BMP6: variants seen among roughly 807,000 people sequenced by gnomAD.
The protein encoded by BMP6 is VG-1-R.
A neutral mutation model predicts 54.1 loss-of-function variants in BMP6; 17 were observed. That is an observed-to-expected ratio of 0.31 (90% CI 0.22 to 0.47). The LOEUF (loss-of-function observed/expected upper bound fraction) is 0.47. BMP6 is among the 20% of genes least tolerant of loss of function. The pLI, the probability that BMP6 is intolerant of heterozygous loss-of-function variation, is 1.00. For missense variants in BMP6, 720 were observed against 690.4 expected, an observed-to-expected ratio of 1.04 and a Z score of -0.48; for synonymous variants, 328 against 291.2, an observed-to-expected ratio of 1.13 and a Z score of -1.28.
intron 2 of BMP6, among the ~76,000 whole-genome samples, chr6:7,859,922 T>C (rs1759308441): frequency 6.6e-6 from 1 of 152,204 alleles, no homozygotes; most frequent in African/African-American, 2.4e-5. Context: ...GGAGAAACTG[T>C]TCGCTCCTCC....
intron 1 of BMP6, among the ~76,000 whole-genome samples, chr6:7,788,233 G>T (rs1213685916): frequency 3.3e-5 from 5 of 152,180 alleles, no homozygotes; most frequent in African/African-American, 1.2e-4. Flanking sequence ...TTGGCCAAAG[G>T]CTTGGTAGTA....
chr6:7,868,522 G>C (rs1759466124), intron 4 of BMP6, among the ~76,000 whole-genome samples: 1 of 152,262 alleles, frequency 6.6e-6, no homozygotes, highest in African/African-American at 2.4e-5. Context: ...GATATGGAAA[G>C]AGCGGCCAGG....
Position 7,727,348 on chromosome 6 carries a change from C to A in BMP6, c.393C>A (p.Ser131=), listed in dbSNP as rs767201995. Residue 131 remains serine (S), a synonymous_variant, in exon 1 of 7, where the codon TCC becomes TCA. Coordinates refer to ENST00000283147, the MANE Select transcript of BMP6 (RefSeq NM_001718.6). The stretch of plus-strand genomic sequence containing the variant: ...AGCCCCCTCCCGGGCGACTGAAGTC[C>A]GCGCCCCTCTTCATGCTGGATCTGT... ...RGEPPPGRLK[S]APLFMLDLYN... is the part of the protein sequence containing the mutation. The A allele has an allele frequency of 1.2e-6, 2 of 1,609,980 alleles. No individual in the cohort carries two copies. The highest frequency in any genetic ancestry group is 2.7e-5 in the African/African-American group (2 of 74,810).
rs114901363 is a variant in BMP6 at position 7,775,760 on chromosome 6, T to A, written c.664+48141T>A. ...GCGTCTGGGGTCAGGTTAGTTCTTC[T>A]TGATTGTTGGAGATAAATTTGCTGA... On this transcript the variant is annotated intron_variant, in intron 1 of 6. Coordinates refer to ENST00000283147, the MANE Select transcript of BMP6 (RefSeq NM_001718.6). 6.1e-3 allele frequency among the ~76,000 whole-genome samples: 936 copies of A among 152,326 alleles called. 7 individuals are homozygous for A. The highest frequency in any genetic ancestry group is 0.022 in the African/African-American group (905 of 41,578).
chr6:7,833,127 C>T (rs538431475), intron 1 of BMP6, among the ~76,000 whole-genome samples: 5 of 152,132 alleles, frequency 3.3e-5, no homozygotes, highest in African/African-American at 1.2e-4. Context: ...GTGGGACCCA[C>T]TGGGTTTGAG....
At chr6:7,871,227 T>C (rs886174603) in intron 4 of BMP6, among the ~76,000 whole-genome samples, 1 of 152,248 alleles carries the variant, frequency 6.6e-6, no homozygotes, top group African/African-American at 2.4e-5. Flanking sequence ...ATATCTGTAA[T>C]GTTCATTTGG....
chr6:7,842,824 C>CTTAT (rs1303439156), intron 1 of BMP6, among the ~76,000 whole-genome samples: 2 of 152,166 alleles, frequency 1.3e-5, no homozygotes, highest in Non-Finnish European at 2.9e-5. Flanking sequence ...TGTCTTATGT[C>CTTAT]TTATTTCTTA....
chr6:7,791,149 A>G (rs1758100682), intron 1 of BMP6, among the ~76,000 whole-genome samples: 1 of 152,180 alleles, frequency 6.6e-6, no homozygotes, highest in Non-Finnish European at 1.5e-5. Context: ...TGGAGGGGGC[A>G]TGGTCACTTG....
intron 1 of BMP6, among the ~76,000 whole-genome samples, chr6:7,767,460 A>C (rs1261897535): frequency 1.3e-5 from 2 of 152,158 alleles, no homozygotes; most frequent in Non-Finnish European, 2.9e-5. Context: ...AGCACCTGAG[A>C]TGCTTCGTAA....
chr6:7,774,830 T>C (rs909225434), intron 1 of BMP6, among the ~76,000 whole-genome samples: 7 of 152,206 alleles, frequency 4.6e-5, no homozygotes, highest in African/African-American at 1.7e-4. Context: ...TTGGCAATTA[T>C]AAAGAAAAGA....
chr6:7,758,733 C>T (rs1339289808), intron 1 of BMP6, among the ~76,000 whole-genome samples: 1 of 152,220 alleles, frequency 6.6e-6, no homozygotes, highest in African/African-American at 2.4e-5. Flanking sequence ...TCCGGCTGTG[C>T]CTCGCAATTC....
intron 1 of BMP6, among the ~76,000 whole-genome samples, chr6:7,840,584 G>A (rs919532045): frequency 6.6e-6 from 1 of 152,172 alleles, no homozygotes; most frequent in Non-Finnish European, 1.5e-5. Flanking sequence ...AGGCAGAAAG[G>A]AGAGAAGGAA....
At chr6:7,761,454 A>T (rs1340684965) in intron 1 of BMP6, among the ~76,000 whole-genome samples, 2 of 152,242 alleles carry the variant, frequency 1.3e-5, no homozygotes, top group African/African-American at 4.8e-5. Context: ...AGAAGGACAC[A>T]TAATATTCTG....
intron 1 of BMP6, among the ~76,000 whole-genome samples, chr6:7,760,622 C>A (rs1280130520): frequency 6.6e-6 from 1 of 152,142 alleles, no homozygotes; most frequent in Non-Finnish European, 1.5e-5. Flanking sequence ...CGCCTGCCAC[C>A]ACACCCAGCT....
intron 1 of BMP6, among the ~76,000 whole-genome samples, chr6:7,788,959 G>A (rs540349796): frequency 9.2e-5 from 14 of 151,614 alleles, no homozygotes; most frequent in Admixed American, 3.9e-4. Context: ...CTTGTATTTG[G>A]CAACCCAAGG....
chr6:7,868,988 T>C (rs1759476256), intron 4 of BMP6, among the ~76,000 whole-genome samples: 1 of 152,238 alleles, frequency 6.6e-6, no homozygotes, highest in Non-Finnish European at 1.5e-5. Context: ...TTTGTTTCGC[T>C]GTCCTCCTCT....
chr6:7,878,598 CA>C (rs1759659260), intron 4 of BMP6, among the ~76,000 whole-genome samples: 1 of 152,214 alleles, frequency 6.6e-6, no homozygotes. Flanking sequence ...GGCCCCACTC[CA>C]CCATTACTCT....
rs76108320 is a variant in BMP6 at position 7,855,450 on chromosome 6, G to A, written c.858-6001G>A. 7.9e-3 allele frequency among the ~76,000 whole-genome samples: 1,194 copies of A among 151,094 alleles called. 13 individuals are homozygous for A. Among genetic ancestry groups the A allele is most frequent in the African/African-American group, 0.027 (1,130 of 41,216 alleles). ...TTGAGAACCACTGATAAAAGAGCAC[G>A]TACAACACATGAGCCAAACTGCCTG... On this transcript the variant is annotated intron_variant, in intron 2 of 6. Transcript: ENST00000283147.
Position 7,880,347 on chromosome 6 carries a change from G to A in BMP6, c.*4G>A, listed in dbSNP as rs371952224. The A allele has an allele frequency of 2.2e-5, 36 of 1,613,806 alleles. No individual in the cohort carries two copies. Among genetic ancestry groups the A allele is most frequent in the Middle Eastern group, 1.6e-4 (1 of 6,082 alleles). ...AAGAGCTTGTGGATGCCACTAACTC[G>A]AAACCAGATGCTGGGGACACACATT... On this transcript the variant is annotated 3_prime_UTR_variant, in exon 7 of 7. Transcript: ENST00000283147.
Sources: allele counts gnomAD v4.1 joint callset (sites outside exome capture counted in the v4.1 genomes callset), GRCh38; gene constraint gnomAD v4.1.1; transcripts MANE v1.5; gene names NCBI Gene and HGNC (gene_info 2026-07-23, HGNC 2026-07-21).